Variants in NDRG4 observed in about 807,000 individuals in gnomAD.
NDRG4 encodes the protein protein NDRG4.
In NDRG4, 38 loss-of-function variants were observed where a neutral mutation model predicts 55.8. The ratio of observed to expected loss-of-function variants is 0.68; its 90% CI spans 0.53 to 0.89. The LOEUF is 0.89. NDRG4 is among the 40% of genes least tolerant of loss of function. NDRG4 has a pLI of 0.00. For synonymous variants in NDRG4, 190 were observed against 182.7 expected (o/e 1.04, Z -0.32); for missense variants, 455 against 468.6 (o/e 0.97, Z 0.27).
chr16:58,477,611 T>C (rs1176880692), intron 1 of NDRG4, among the ~76,000 whole-genome samples: 1 of 152,094 alleles, frequency 6.6e-6, no homozygotes, highest in Non-Finnish European at 1.5e-5. Flanking sequence ...GACAACTCTT[T>C]CTTACAGGAT....
chr16:58,505,549 A>T (rs2037825383), intron 5 of NDRG4, among the ~76,000 whole-genome samples: 1 of 151,920 alleles, frequency 6.6e-6, no homozygotes, highest in African/African-American at 2.4e-5. Flanking sequence ...TGTTAACTGG[A>T]GGCCATTCCC....
upstream of NDRG4, chr16:58,499,040 C>T (rs2036734073): frequency 6.5e-6 from 1 of 152,708 alleles, no homozygotes; most frequent in Non-Finnish European, 1.5e-5. Context: ...GTGGCTCCTG[C>T]TCTCCCAGCC....
intron 5 of NDRG4, among the ~76,000 whole-genome samples, chr16:58,505,169 G>T (rs1425052626): frequency 1.3e-5 from 2 of 152,084 alleles, no homozygotes; most frequent in Non-Finnish European, 2.9e-5. Context: ...CTAACACGGT[G>T]AAACCCAGTC....
intron 2 of NDRG4, among the ~76,000 whole-genome samples, chr16:58,489,070 G>A (rs2151691554): frequency 6.6e-6 from 1 of 152,152 alleles, no homozygotes; most frequent in South Asian, 2.1e-4. Context: ...AGGCCGAGGT[G>A]GGCAGATCAC....
chr16:58,509,361 A>G lies in NDRG4; in HGVS notation c.865+9A>G. On this transcript the variant is annotated intron_variant, in intron 13 of 14. Transcript: ENST00000570248. Reference sequence around the variant, plus strand: ...GCAAGGCATGGGCTACAGTGAGTACATTTCCACCCCACCCCACACCACCTA... The same window carrying G: ...GCAAGGCATGGGCTACAGTGAGTACGTTTCCACCCCACCCCACACCACCTA... 1 of 1,613,046 alleles carries G rather than the reference A, an allele frequency of 6.2e-7. No individual in the cohort carries two copies. Among genetic ancestry groups the G allele is most frequent in the Middle Eastern group, 1.7e-4 (1 of 6,042 alleles).
downstream of NDRG4, among the ~76,000 whole-genome samples, chr16:58,514,507 C>T (rs1484039920): frequency 1.3e-5 from 2 of 151,974 alleles, no homozygotes; most frequent in African/African-American, 2.4e-5. Flanking sequence ...GAGGCCGAGG[C>T]GGGGGGATTG....
chr16:58,490,811 T>C (rs2035693587), intron 2 of NDRG4, among the ~76,000 whole-genome samples: 1 of 152,062 alleles, frequency 6.6e-6, no homozygotes, highest in Non-Finnish European at 1.5e-5. Context: ...ACCCCATCTC[T>C]ACTAAAATTA....
At position 58,513,525 on chromosome 16, in the gene NDRG4, G is replaced by A. The variant is rs1244941475; in HGVS notation, c.*1949G>A. 1.3e-5 allele frequency: 2 copies of A among 151,960 alleles called. No homozygotes were observed. The highest frequency in any genetic ancestry group is 2.9e-5 in the Non-Finnish European group (2 of 68,004). 9.4% of individuals were successfully genotyped at this position (151,960 alleles called of 1,614,324 possible). On this transcript the variant is annotated 3_prime_UTR_variant, in exon 15 of 15. Coordinates refer to ENST00000570248, the MANE Select transcript of NDRG4 (RefSeq NM_001242835.2). ...TTTTGGGTTGAGGGTGCTAGGAGAG[G>A]ATGGTCTCCACCCATCTTTCTATTT...
At position 58,464,923 on chromosome 16, in the gene NDRG4, G is replaced by T. The variant is rs1452457140; in HGVS notation, c.-24+1126G>T. The T allele has an allele frequency of 1.7e-6, 2 of 1,176,962 alleles. No individual in the cohort carries two copies. Among genetic ancestry groups the T allele is most frequent in the Non-Finnish European group, 2.1e-6 (2 of 936,216 alleles). 72.9% of individuals were successfully genotyped at this position (1,176,962 alleles called of 1,614,324 possible). A position where few individuals can be genotyped will look rare whatever the true frequency, so the allele number is the denominator to read the frequency against. ...CTGGGAGTGGAGGCGACGCCAAGTG[G>T]CCTGGGAAGTGGGAAGCCAGATTGG... On this transcript the variant is annotated intron_variant, in intron 1 of 15. Transcript: ENST00000258187. The surrounding 1 kb of genome is among the most constrained non-coding windows in gnomAD (Gnocchi z 4.8).
chr16:58,508,312 G>T (rs770095871), intron 10 of NDRG4, among the ~76,000 whole-genome samples: 3 of 152,192 alleles, frequency 2.0e-5, no homozygotes, highest in African/African-American at 4.8e-5. Flanking sequence ...CAGGGTGTAC[G>T]ATCTTTTTTC....
At chr16:58,500,642 G>C (rs1216979131) in intron 1 of NDRG4, 6 of 484,590 alleles carry the variant, frequency 1.2e-5, no homozygotes, top group African/African-American at 2.0e-5. Flanking sequence ...TCTGGTGTGC[G>C]CTTGGATGGT....
upstream of NDRG4, chr16:58,500,107 A>G: frequency 6.6e-7 from 1 of 1,525,368 alleles, no homozygotes; most frequent in South Asian, 1.2e-5. Context: ...CTGGGCCAGG[A>G]TCCCTGTATA....
Position 58,492,536 on chromosome 16 carries a change from GTGTGTGTGTGTGTGT to G in NDRG4, c.73-2427_73-2413del, listed in dbSNP as rs1427665342. 3.9e-4 allele frequency among the ~76,000 whole-genome samples: 54 copies of G among 138,430 alleles called. 1 individual carries two copies. The highest frequency in any genetic ancestry group is 7.7e-4 in the Non-Finnish European group (49 of 63,230). The allele number at this position is 138,430 out of a possible 152,430, so 90.8% of individuals were successfully genotyped here. The stretch of plus-strand genomic sequence containing the variant: ...TGTGTGTGTGTGTGTGTGTGTGTGT[GTGTGTGTGTGTGTGT>G]GAGAGACAGACAGACAGTCTCGCCC... On this transcript the variant is annotated intron_variant, in intron 2 of 15. Coordinates refer to the NDRG4 transcript ENST00000258187.
chr16:58,467,834 T>C (rs756790008), intron 1 of NDRG4, among the ~76,000 whole-genome samples: 3 of 152,224 alleles, frequency 2.0e-5, no homozygotes, highest in Non-Finnish European at 2.9e-5. Context: ...GGGCGGATAG[T>C]TGATGACAGT....
exon 3 of NDRG4, chr16:58,494,999 A>C: frequency 3.1e-6 from 5 of 1,613,408 alleles, no homozygotes; most frequent in Non-Finnish European, 3.4e-6. Flanking sequence ...CTGCAGACAC[A>C]GACTGGAAGG....
chr16:58,505,145 C>T (rs183378252), intron 5 of NDRG4, among the ~76,000 whole-genome samples: 47 of 152,026 alleles, frequency 3.1e-4, no homozygotes, highest in Middle Eastern at 3.4e-3. Flanking sequence ...GTCAGGAGAT[C>T]AAGACCATCC....
intron 1 of NDRG4, among the ~76,000 whole-genome samples, chr16:58,473,345 G>A (rs113441538): frequency 0.016 from 2,438 of 151,954 alleles, 37 homozygotes; most frequent in South Asian, 0.046. Flanking sequence ...TTAAATTTTT[G>A]TGGAGACAGG....
At chr16:58,513,663 T>C (rs2039020667), downstream of NDRG4, 1 of 134,932 alleles carries the variant, frequency 7.4e-6, no homozygotes, top group South Asian at 2.5e-4. Flanking sequence ...TGTGACAAAA[T>C]ACAGCTCTCC....
At chr16:58,495,225 G>A (rs2036264104), upstream of NDRG4, among the ~76,000 whole-genome samples, 2 of 152,208 alleles carry the variant, frequency 1.3e-5, no homozygotes, top group African/African-American at 4.8e-5. Context: ...AGTGAGGGAT[G>A]TTGTCATCTG....
Sources: allele counts gnomAD v4.1 joint callset (sites outside exome capture counted in the v4.1 genomes callset), GRCh38; gene constraint gnomAD v4.1.1; non-coding constraint Gnocchi (gnomAD v3.1); transcripts MANE v1.5; gene names NCBI Gene and HGNC (gene_info 2026-07-23, HGNC 2026-07-21).